Variants in FBRSL1 observed in about 807,000 individuals in gnomAD.
FBRSL1 encodes fibrosin like 1.
Under a neutral mutation model 89.6 loss-of-function variants are expected in FBRSL1, and 51 were observed. That is an observed-to-expected ratio of 0.57 (90% confidence interval 0.45 to 0.72). The LOEUF is 0.72. Among genes scored for constraint, FBRSL1 ranks in the 30% least tolerant of loss-of-function variants. FBRSL1 has a pLI of 0.00. For missense variants in FBRSL1, 1,618 were observed against 1,451.8 expected (o/e 1.11, Z -1.86); for synonymous variants, 779 against 681.1 (o/e 1.14, Z -2.24).
At position 132,490,190 on chromosome 12, in the gene FBRSL1, G is replaced by A. The variant is rs1277295913; in HGVS notation, c.-381G>A. ...GTTCGGGGCGCCGCCGCCGCCTCAC[G>A]AGCCCGGTGCCCAGGAGCCCGGCCG... is the stretch of plus-strand genomic sequence containing the variant. On this transcript the variant is annotated 5_prime_UTR_variant, in exon 1 of 19. Transcript: ENST00000680143. 1.1e-4 allele frequency: 10 copies of A among 94,170 alleles called. No homozygotes were observed. Among genetic ancestry groups the A allele is most frequent in the African/African-American group, 3.9e-4 (9 of 23,344 alleles). The allele number at this position is 94,170 out of a possible 1,614,324, so 5.8% of individuals were successfully genotyped here.
chr12:132,549,156 C>T (rs1287301059), intron 5 of FBRSL1, among the ~76,000 whole-genome samples: 1 of 152,200 alleles, frequency 6.6e-6, no homozygotes, highest in African/African-American at 2.4e-5. Context: ...AAGCCAGAGG[C>T]CGCACCGTCG....
At chr12:132,500,127 G>A (rs1012615678) in intron 1 of FBRSL1, among the ~76,000 whole-genome samples, 5 of 152,164 alleles carry the variant, frequency 3.3e-5, no homozygotes, top group South Asian at 2.1e-4. Context: ...TAGACTCTGC[G>A]GGAGCCATCA....
At chr12:132,581,888 T>A in intron 17 of FBRSL1, 64 bp downstream of exon 17, 1 of 1,343,372 alleles carries the variant, frequency 7.4e-7, no homozygotes, top group Non-Finnish European at 9.9e-7. Context: ...GCCTGTGTCC[T>A]CTGCAGGAAC....
At chr12:132,539,698 C>A (rs1424436053) in intron 4 of FBRSL1, among the ~76,000 whole-genome samples, 2 of 120,494 alleles carry the variant, frequency 1.7e-5, no homozygotes, top group Non-Finnish European at 3.4e-5. Context: ...GCCTTCCAGC[C>A]CCATGCCCAC....
At chr12:132,555,323 G>A (rs1182052838) in intron 5 of FBRSL1, among the ~76,000 whole-genome samples, 2 of 152,088 alleles carry the variant, frequency 1.3e-5, no homozygotes, top group African/African-American at 2.4e-5. Flanking sequence ...TGGCCTCCAC[G>A]GTAGCCGCCC....
chr12:132,543,650 G>C lies in FBRSL1; in HGVS notation c.616-4353G>C, dbSNP rs576065879. On this transcript the variant is annotated intron_variant, in intron 4 of 18. Transcript: ENST00000680143. ...CCCTACCCAGCTTGTGGCTCTAAAAGCCATGTCTCAAGGCCGTTGTCCACC... is the reference window on the plus strand; with the variant it reads ...CCCTACCCAGCTTGTGGCTCTAAAACCCATGTCTCAAGGCCGTTGTCCACC... Among the ~76,000 whole-genome samples the C allele has an allele frequency of 2.7e-5, 3 of 110,740 alleles. No individual in the cohort carries two copies. In the South Asian group the frequency reaches 7.9e-4, roughly 29 times the overall value. 72.6% of individuals were successfully genotyped at this position (110,740 alleles called of 152,430 possible).
Position 132,510,532 on chromosome 12 carries a change from A to G in FBRSL1, c.489+2182A>G, listed in dbSNP as rs144974906. ...GCAGGGCCCCAAGGGCCAAGGCCGC[A>G]TTGCCCTTCGGGCTGGAGATGCTTT... is the stretch of plus-strand genomic sequence containing the variant. On this transcript the variant is annotated intron_variant, in intron 2 of 18. Transcript: ENST00000680143. 1.4e-3 allele frequency: 1,722 copies of G among 1,231,510 alleles called. 17 individuals are homozygous for G. In the African/African-American group the frequency reaches 0.023, roughly 17 times the overall value. 76.3% of individuals were successfully genotyped at this position (1,231,510 alleles called of 1,614,324 possible).
intron 1 of FBRSL1, among the ~76,000 whole-genome samples, chr12:132,502,479 C>T (rs1350538102): frequency 1.3e-5 from 2 of 152,158 alleles, no homozygotes; most frequent in East Asian, 3.8e-4. Flanking sequence ...GAGGGAGGAA[C>T]GTCCGAGTGC....
chr12:132,575,106 G>A (rs532682788), intron 14 of FBRSL1, among the ~76,000 whole-genome samples: 6 of 152,272 alleles, frequency 3.9e-5, no homozygotes, highest in Admixed American at 2.6e-4. Flanking sequence ...CCTCAGCCCC[G>A]TGGGACCCTG....
chr12:132,580,004 T>G (rs968398739), intron 15 of FBRSL1, among the ~76,000 whole-genome samples: 1 of 152,250 alleles, frequency 6.6e-6, no homozygotes, highest in Non-Finnish European at 1.5e-5. Context: ...CCGCAGGCCC[T>G]GGCAATTCTT....
chr12:132,531,544 T>TGTGTGC (rs1163207412), intron 4 of FBRSL1, among the ~76,000 whole-genome samples: 9 of 134,096 alleles, frequency 6.7e-5, no homozygotes, highest in African/African-American at 2.0e-4. Context: ...TGGGCCTCTG[T>TGTGTGC]GTGTGCGTGT....
At chr12:132,545,458 C>T (rs993469622) in intron 4 of FBRSL1, among the ~76,000 whole-genome samples, 3 of 152,238 alleles carry the variant, frequency 2.0e-5, no homozygotes, top group African/African-American at 7.2e-5. Context: ...CTGACAGTGC[C>T]GTGCTATTTG....
intron 2 of FBRSL1, among the ~76,000 whole-genome samples, chr12:132,518,815 C>T (rs2035088877): frequency 6.6e-6 from 1 of 151,692 alleles, no homozygotes; most frequent in Admixed American, 6.6e-5. Context: ...CCCATGCATC[C>T]ACCCATCTAC....
rs527317452 is a variant in FBRSL1 at position 132,573,861 on chromosome 12, G to A, written c.1531-229G>A. ...GGTGGCAAGTGGCTCCCCGGGGAGG[G>A]TCGCCCACCTTCCCTGGCAAGAGCA... is the stretch of plus-strand genomic sequence containing the variant. On this transcript the variant is annotated intron_variant, in intron 11 of 18. Transcript: ENST00000680143. Among the ~76,000 whole-genome samples the A allele has an allele frequency of 2.7e-4, 41 of 152,286 alleles. No individual in the cohort carries two copies. In the East Asian group the frequency reaches 7.9e-3, roughly 29 times the overall value.
chr12:132,574,138 C>T lies in FBRSL1; in HGVS notation c.1579C>T (p.Leu527Phe). The T allele has an allele frequency of 7.1e-7, 1 of 1,413,852 alleles. No individual in the cohort carries two copies. The highest frequency in any genetic ancestry group is 2.6e-5 in the East Asian group (1 of 37,938). 87.6% of individuals were successfully genotyped at this position (1,413,852 alleles called of 1,614,324 possible). A position where few individuals can be genotyped will look rare whatever the true frequency, so the allele number is the denominator to read the frequency against. The change falls in exon 12 of 19, where the codon CTC becomes TTC. Residue 527 changes from leucine to phenylalanine, a missense_variant. Coordinates refer to ENST00000680143, the MANE Select transcript of FBRSL1 (RefSeq NM_001367871.1). ...VARRAGAVHTLLQKAPGVSDP... is the reference protein window; with the variant it reads ...VARRAGAVHTFLQKAPGVSDP... Reference sequence around the variant, plus strand: ...CCGCCGGGCTGGTGCGGTTCACACACTCCTGCAGAAAGCGCCTGGGGTAGG... The same window carrying T: ...CCGCCGGGCTGGTGCGGTTCACACATTCCTGCAGAAAGCGCCTGGGGTAGG...
chr12:132,496,568 A>G (rs933929782), intron 1 of FBRSL1, among the ~76,000 whole-genome samples: 5 of 151,466 alleles, frequency 3.3e-5, no homozygotes, highest in African/African-American at 7.3e-5. Context: ...TTTCTAGGGG[A>G]CTCTTAGGGG....
At chr12:132,541,349 G>A (rs1302437407) in intron 4 of FBRSL1, among the ~76,000 whole-genome samples, 2 of 152,208 alleles carry the variant, frequency 1.3e-5, no homozygotes, top group African/African-American at 4.8e-5. Flanking sequence ...ACCCTCAAGT[G>A]CCAGATTTGG....
intron 2 of FBRSL1, chr12:132,509,388 C>T (rs2034061709): frequency 1.6e-6 from 2 of 1,241,956 alleles, no homozygotes; most frequent in Non-Finnish European, 2.0e-6. Flanking sequence ...CCTGAAACAG[C>T]CCTGCCAGCC....
At chr12:132,501,676 G>A (rs1441466588) in intron 1 of FBRSL1, among the ~76,000 whole-genome samples, 1 of 152,182 alleles carries the variant, frequency 6.6e-6, no homozygotes, top group Non-Finnish European at 1.5e-5. Context: ...GCCCATTCCT[G>A]TGCAGGGGCC....
Sources: allele counts gnomAD v4.1 joint callset (sites outside exome capture counted in the v4.1 genomes callset), GRCh38; gene constraint gnomAD v4.1.1; transcripts MANE v1.5; gene names NCBI Gene and HGNC (gene_info 2026-07-23, HGNC 2026-07-21).